Variants in SMYD3 observed in about 807,000 individuals in gnomAD.
SMYD3 encodes SET and MYND domain containing 3.
Under a neutral mutation model 57.7 loss-of-function variants are expected in SMYD3, and 36 were observed. That is an observed-to-expected ratio of 0.62 (90% confidence interval 0.48 to 0.82). The LOEUF (loss-of-function observed/expected upper bound fraction) is 0.82, where lower values mean the gene tolerates loss of function less well. Among genes scored for constraint, SMYD3 ranks in the 40% least tolerant of loss-of-function variants. SMYD3 has a pLI of 0.00. For synonymous variants in SMYD3, 211 were observed against 195.0 expected, an observed-to-expected ratio of 1.08 and a Z score of -0.68; for missense variants, 515 against 538.8, an observed-to-expected ratio of 0.96 and a Z score of 0.44.
intron 5 of SMYD3, among the ~76,000 whole-genome samples, chr1:245,947,138 G>A (rs912077317): frequency 6.6e-6 from 1 of 152,120 alleles, no homozygotes; most frequent in African/African-American, 2.4e-5. Context: ...AACTAAAATG[G>A]ATGGCCTTTG....
rs188101307 is a variant in SMYD3, at chr1:246,279,542, A to C, written c.531+47659T>G. Among the ~76,000 whole-genome samples the C allele has an allele frequency of 3.6e-3, 552 of 152,242 alleles. 3 individuals are homozygous for C. The Middle Eastern group carries it at 0.044, about 12-fold the overall frequency. On this transcript the variant is annotated intron_variant, in intron 5 of 11. Coordinates refer to ENST00000490107, the MANE Select transcript of SMYD3 (RefSeq NM_001167740.2). ...CTCAAAACAAAAACAAAAACAAAAAAAAAGATTGTTGAGACCAATGGTTAT... is the reference window on the plus strand; with the variant it reads ...CTCAAAACAAAAACAAAAACAAAAACAAAGATTGTTGAGACCAATGGTTAT...
In SMYD3 at chr1:246,040,692, T is replaced by G. The variant is rs530030961; in HGVS notation, c.532-110755A>C. Among the ~76,000 whole-genome samples, 103 of 152,320 alleles carry G rather than the reference T, an allele frequency of 6.8e-4. 2 individuals are homozygous for G. In the Middle Eastern group the frequency reaches 0.041, roughly 60 times the overall value. ...ATGGGGCTCCCGTATCTCCTTTCAT[T>G]TGAAAAGGTGCTGAGGTGGTAAAAT... On this transcript the variant is annotated intron_variant, in intron 5 of 11. Transcript: ENST00000490107.
intron 5 of SMYD3, among the ~76,000 whole-genome samples, chr1:246,081,583 A>G (rs965357929): frequency 6.6e-6 from 1 of 152,080 alleles, no homozygotes; most frequent in Non-Finnish European, 1.5e-5. Flanking sequence ...TAGTAGAGAC[A>G]AAGTTTCGCC....
chr1:246,162,999 T>C (rs1039051317), intron 5 of SMYD3, among the ~76,000 whole-genome samples: 3 of 152,206 alleles, frequency 2.0e-5, no homozygotes, highest in Admixed American at 6.5e-5. Flanking sequence ...TATTGTTAAC[T>C]TGAAATTTTA....
intron 5 of SMYD3, among the ~76,000 whole-genome samples, chr1:245,964,947 T>C (rs2058102673): frequency 6.6e-6 from 1 of 152,148 alleles, no homozygotes; most frequent in East Asian, 1.9e-4. Flanking sequence ...CCCAAATTAA[T>C]GTCAAACACC....
At chr1:246,002,328 G>C (rs1477617592) in intron 5 of SMYD3, among the ~76,000 whole-genome samples, 2 of 71,136 alleles carry the variant, frequency 2.8e-5, no homozygotes, top group Admixed American at 1.8e-4. Flanking sequence ...GGGACTGCAG[G>C]CTCCCGCCAC....
chr1:246,070,069 C>T (rs1253639675), intron 5 of SMYD3, among the ~76,000 whole-genome samples: 1 of 152,094 alleles, frequency 6.6e-6, no homozygotes, highest in Non-Finnish European at 1.5e-5. Flanking sequence ...GTTGCCCTGC[C>T]CGTCCTAGAC....
intron 5 of SMYD3, among the ~76,000 whole-genome samples, chr1:246,266,542 C>T (rs564141236): frequency 5.9e-5 from 9 of 152,182 alleles, no homozygotes; most frequent in African/African-American, 9.6e-5. Flanking sequence ...ATTTTATTAA[C>T]GTGATTCCAA....
chr1:246,171,471 T>TAAC lies in SMYD3; in HGVS notation c.531+155727_531+155729dup, dbSNP rs111709709. On this transcript the variant is annotated intron_variant, in intron 5 of 11. Transcript: ENST00000490107. ...TGAGAGTACTGGAGTCATGTCTTCTTAACAGAGACACCTGCCAAGAAATTC... is the reference window on the plus strand; with the variant it reads ...TGAGAGTACTGGAGTCATGTCTTCTTAACAACAGAGACACCTGCCAAGAAATTC... Among the ~76,000 whole-genome samples the TAAC allele has an allele frequency of 1.6e-3, 247 of 152,242 alleles. 1 individual carries two copies. The highest frequency in any genetic ancestry group is 5.5e-3 in the African/African-American group (229 of 41,542).
chr1:245,828,789 G>A (rs933051457), intron 10 of SMYD3, among the ~76,000 whole-genome samples: 1 of 151,106 alleles, frequency 6.6e-6, no homozygotes, highest in Non-Finnish European at 1.5e-5. Context: ...TGCAACCTCC[G>A]CTTCCCGGGT....
chr1:246,302,046 G>A (rs774781178), intron 5 of SMYD3, among the ~76,000 whole-genome samples: 1 of 152,008 alleles, frequency 6.6e-6, no homozygotes, highest in Non-Finnish European at 1.5e-5. Context: ...GAAATACCGC[G>A]TTTCCCTGGT....
rs201426225 is a variant in SMYD3, at chr1:245,812,700, C to CAA, written c.1076+45795_1076+45796insTT. Among the ~76,000 whole-genome samples the CAA allele has an allele frequency of 2.2e-3, 104 of 46,468 alleles. 1 individual carries two copies. The highest frequency in any genetic ancestry group is 2.9e-3 in the Non-Finnish European group (48 of 16,522). The allele number at this position is 46,468 out of a possible 152,430, so 30.5% of individuals were successfully genotyped here. A position where few individuals can be genotyped will look rare whatever the true frequency, so the allele number is the denominator to read the frequency against. ...AAATTCTTACTTCTAAACAACAGTTCCAAAAAAAAAAAAAAAGAGAAAGAG... is the reference window on the plus strand; with the variant it reads ...AAATTCTTACTTCTAAACAACAGTTCAACAAAAAAAAAAAAAAAGAGAAAGAG... On this transcript the variant is annotated intron_variant, in intron 10 of 11. Transcript: ENST00000490107.
At chr1:246,450,597 G>C (rs2067618878) in intron 1 of SMYD3, among the ~76,000 whole-genome samples, 1 of 152,156 alleles carries the variant, frequency 6.6e-6, no homozygotes, top group African/African-American at 2.4e-5. Flanking sequence ...GCACTTAATG[G>C]ATCTAGTCTC....
chr1:246,403,899 T>C (rs999819220), intron 1 of SMYD3, among the ~76,000 whole-genome samples: 25 of 152,164 alleles, frequency 1.6e-4, no homozygotes, highest in Admixed American at 9.2e-4. Context: ...AGAAAACATA[T>C]ACAAAGCATG....
At chr1:246,260,423 T>G (rs2063982637) in intron 5 of SMYD3, among the ~76,000 whole-genome samples, 1 of 148,696 alleles carries the variant, frequency 6.7e-6, no homozygotes, top group African/African-American at 2.6e-5. Flanking sequence ...CCATTTTCCT[T>G]TTGTTGTTGT....
At chr1:246,134,762 C>A (rs1362620317) in intron 5 of SMYD3, among the ~76,000 whole-genome samples, 1 of 151,658 alleles carries the variant, frequency 6.6e-6, no homozygotes, top group Non-Finnish European at 1.5e-5. Flanking sequence ...TGCATCTACA[C>A]CTATATGCAA....
intron 5 of SMYD3, among the ~76,000 whole-genome samples, chr1:246,310,446 G>A (rs2065056963): frequency 6.6e-6 from 1 of 152,142 alleles, no homozygotes. Context: ...CAAAATAATG[G>A]AAGTTGCTGC....
chr1:246,134,957 A>G (rs1055225798), intron 5 of SMYD3, among the ~76,000 whole-genome samples: 1 of 151,936 alleles, frequency 6.6e-6, no homozygotes, highest in Non-Finnish European at 1.5e-5. Flanking sequence ...AAAACTTAGC[A>G]TATATGCTGA....
intron 5 of SMYD3, among the ~76,000 whole-genome samples, chr1:246,225,357 A>C (rs866891076): frequency 0.037 from 4,896 of 132,552 alleles, 168 homozygotes; most frequent in African/African-American, 0.073. Context: ...AAAAAAAAAA[A>C]CAGAAAAGAC....
Sources: allele counts gnomAD v4.1 joint callset (sites outside exome capture counted in the v4.1 genomes callset), GRCh38; gene constraint gnomAD v4.1.1; transcripts MANE v1.5; gene names NCBI Gene and HGNC (gene_info 2026-07-23, HGNC 2026-07-21).